ICAM4: variants seen among roughly 807,000 people sequenced by gnomAD.
The protein encoded by ICAM4 is intercellular adhesion molecule 4 (Landsteiner-Wiener blood group).
A neutral mutation model predicts 18.8 loss-of-function variants in ICAM4; 16 were observed. The ratio of observed to expected loss-of-function variants is 0.85; its 90% CI spans 0.58 to 1.29. The LOEUF is 1.29. ICAM4 is among the 50% of genes most tolerant of loss of function. ICAM4 has a pLI of 0.00. For missense variants in ICAM4, 338 were observed against 364.3 expected (o/e 0.93, Z 0.59); for synonymous variants, 163 against 163.2 (o/e 1.00, Z 0.01).
In ICAM4 at chr19:10,287,661, G is replaced by T; in HGVS notation, c.520G>T (p.Val174Phe). The change falls in exon 2 of 3, where the codon GTC (valine) becomes TTC (phenylalanine). Residue 174 changes from valine to phenylalanine, a missense_variant. Coordinates refer to ENST00000380770, the MANE Select transcript of ICAM4 (RefSeq NM_001544.5). The surrounding 1 kb of genome is among the most constrained non-coding windows in gnomAD (Gnocchi z 8.7). ...LVVTLRHGSRVIYSESLERFT... is the reference protein window; with the variant it reads ...LVVTLRHGSRFIYSESLERFT... Reference sequence around the variant, plus strand: ...GGTGACCCTGAGGCATGGAAGCCGGGTCATCTATTCCGAAAGCCTGGAGCG... The same window carrying T: ...GGTGACCCTGAGGCATGGAAGCCGGTTCATCTATTCCGAAAGCCTGGAGCG... 1 of 1,614,132 alleles carries T rather than the reference G, an allele frequency of 6.2e-7. No homozygotes were observed. Among genetic ancestry groups the T allele is most frequent in the Non-Finnish European group, 8.5e-7 (1 of 1,180,034 alleles).
chr19:10,287,609 G>C lies in ICAM4; in HGVS notation c.468G>C (p.Thr156=). 1 of 1,614,146 alleles carries C rather than the reference G, an allele frequency of 6.2e-7. No individual in the cohort carries two copies. The highest frequency in any genetic ancestry group is 8.5e-7 in the Non-Finnish European group (1 of 1,180,028). ...AATACACTTTGCGCTGCCACGTGAC[G>C]CAGGTGTTCCCGGTGGGCTACTTGG... ...GRKYTLRCHV[T]QVFPVGYLVV... The change falls in exon 2 of 3, where the codon ACG becomes ACC. Residue 156 remains threonine (T), a synonymous_variant. Coordinates refer to ENST00000380770, the MANE Select transcript of ICAM4 (RefSeq NM_001544.5). The surrounding 1 kb of genome is among the most constrained non-coding windows in gnomAD (Gnocchi z 8.7).
rs781102125 is a variant in ICAM4, at chr19:10,287,023, T to C, written c.11T>C (p.Leu4Pro). Residue 4 changes from leucine (L) to proline (P), a missense_variant, in exon 1 of 3, where the codon CTG becomes CCG. Leu to Pro is a moderately conservative substitution (Grantham distance 98). Coordinates refer to ENST00000380770, the MANE Select transcript of ICAM4 (RefSeq NM_001544.5). This position sits in a 1 kb window ranked among gnomAD's most constrained non-coding sequence, Gnocchi z 8.7. ...TCCGGGCTTTTTGCCATGGGGTCTCTGTTCCCTCTGTCGCTGCTGTTTTTT... is the reference window on the plus strand; with the variant it reads ...TCCGGGCTTTTTGCCATGGGGTCTCCGTTCCCTCTGTCGCTGCTGTTTTTT... Reference protein sequence around the residue: MGSLFPLSLLFFLA... With the variant: MGSPFPLSLLFFLA... 4.2e-5 allele frequency: 64 copies of C among 1,541,408 alleles called. No individual in the cohort carries two copies. Among genetic ancestry groups the C allele is most frequent in the Non-Finnish European group, 5.3e-5 (61 of 1,144,678 alleles).
chr19:10,287,762 C>G lies in ICAM4; in HGVS notation c.621C>G (p.Pro207=), dbSNP rs749028766. ...FAAGPRDFWQ[P]VICHARLNLD... Reference sequence around the variant, plus strand: ...CTGGACCCCGCGACTTCTGGCAGCCCGTGATCTGCCACGCGCGCCTCAATC... The same window carrying G: ...CTGGACCCCGCGACTTCTGGCAGCCGGTGATCTGCCACGCGCGCCTCAATC... Residue 207 remains proline (P), a synonymous_variant, in exon 2 of 3, where the codon CCC becomes CCG. Coordinates refer to ENST00000380770, the MANE Select transcript of ICAM4 (RefSeq NM_001544.5). The surrounding 1 kb of genome is among the most constrained non-coding windows in gnomAD (Gnocchi z 8.7). The G allele has an allele frequency of 1.9e-6, 3 of 1,613,802 alleles. No individual in the cohort carries two copies. The highest frequency in any genetic ancestry group is 2.2e-5 in the East Asian group (1 of 44,888).
At position 10,287,097 on chromosome 19, in the gene ICAM4, A is replaced by T; in HGVS notation, c.85A>T (p.Lys29Ter). Residue 29 changes from lysine to a stop codon, truncating the protein, a stop_gained, in exon 1 of 3, where the codon AAG (lysine) becomes TAG (stop). Coordinates refer to ENST00000380770, the MANE Select transcript of ICAM4 (RefSeq NM_001544.5). LOFTEE classifies it high-confidence loss of function. The surrounding 1 kb of genome is among the most constrained non-coding windows in gnomAD (Gnocchi z 8.7). The stretch of plus-strand genomic sequence containing the variant: ...TGGGAGCGCGCTGGGACGCCGGACT[A>T]AGCGGGCGCAAAGCCCCAAGGGTAG... ...GVGSALGRRTKRAQSPKGSPL... is the reference protein window; with the variant it reads ...GVGSALGRRT The T allele has an allele frequency of 6.3e-7, 1 of 1,598,876 alleles. No homozygotes were observed. Among genetic ancestry groups the T allele is most frequent in the Non-Finnish European group, 8.5e-7 (1 of 1,170,200 alleles).
In ICAM4 at chr19:10,287,169, A is replaced by C. The variant is rs762197542; in HGVS notation, c.157A>C (p.Ser53Arg). The C allele has an allele frequency of 6.2e-7, 1 of 1,611,434 alleles. No homozygotes were observed. Among genetic ancestry groups the C allele is most frequent in the Non-Finnish European group, 8.5e-7 (1 of 1,178,674 alleles). The part of the protein sequence containing the change: ...GTSVPFWVRM[S>R]PEFVAVQPGK... ...CTCAGTGCCCTTCTGGGTGCGCATG[A>C]GCCCGGAGTTCGTGGCTGTGCAGCC... Residue 53 changes from serine (S) to arginine (R), a missense_variant, in exon 1 of 3, where the codon AGC (serine) becomes CGC (arginine). Transcript: ENST00000380770. The surrounding 1 kb of genome is among the most constrained non-coding windows in gnomAD (Gnocchi z 8.7).
chr19:10,288,476 A>C lies in ICAM4; in HGVS notation c.*372A>C. On this transcript the variant is annotated 3_prime_UTR_variant, in exon 3 of 3. Transcript: ENST00000380770. ...AAATAAAATAAAAATAAAAATAAATATTGGCGGGGGAACCCTCTGGAATCA... is the reference window on the plus strand; with the variant it reads ...AAATAAAATAAAAATAAAAATAAATCTTGGCGGGGGAACCCTCTGGAATCA... 7 of 345,670 alleles carry C rather than the reference A, an allele frequency of 2.0e-5. No homozygotes were observed. The highest frequency in any genetic ancestry group is 4.2e-5 in the African/African-American group (2 of 47,692). The allele number at this position is 345,670 out of a possible 1,614,324, so 21.4% of individuals were successfully genotyped here.
chr19:10,288,173 C>G lies in ICAM4; in HGVS notation c.*69C>G, dbSNP rs762373199. The G allele has an allele frequency of 1.2e-6, 2 of 1,612,964 alleles. No individual in the cohort carries two copies. The highest frequency in any genetic ancestry group is 3.3e-5 in the Admixed American group (2 of 59,856). ...GAAACAATCTGGGGAAATGGCCATA[C>G]ATGGTGGCTGACGCCTGTAATCCCA... On this transcript the variant is annotated 3_prime_UTR_variant, in exon 3 of 3. Coordinates refer to ENST00000380770, the MANE Select transcript of ICAM4 (RefSeq NM_001544.5).
chr19:10,287,018 G>T lies in ICAM4; in HGVS notation c.6G>T (p.Gly2=), dbSNP rs1281410198. 6.5e-7 allele frequency: 1 copy of T among 1,528,128 alleles called. No individual in the cohort carries two copies. The allele number at this position is 1,528,128 out of a possible 1,614,324, so 94.7% of individuals were successfully genotyped here. The part of the protein sequence containing the change: M[G]SLFPLSLLFF... ...CTTAGTCCGGGCTTTTTGCCATGGG[G>T]TCTCTGTTCCCTCTGTCGCTGCTGT... Residue 2 remains glycine, a synonymous_variant, in exon 1 of 3, where the codon GGG becomes GGT. Transcript: ENST00000380770. The surrounding 1 kb of genome is among the most constrained non-coding windows in gnomAD (Gnocchi z 8.7).
In ICAM4 at chr19:10,287,831, G is replaced by A; in HGVS notation, c.690G>A (p.Leu230=). 1 of 1,610,986 alleles carries A rather than the reference G, an allele frequency of 6.2e-7. No individual in the cohort carries two copies. Among genetic ancestry groups the A allele is most frequent in the East Asian group, 2.2e-5 (1 of 44,886 alleles). ...GCAACAGCTCGGCACCCATTACACT[G>A]ATGCTCGGTGAGGCACCCCTGTAAC... ...VVRNSSAPIT[L]MLAWSPAPTA... Residue 230 remains leucine (L), a synonymous_variant, in exon 2 of 3, where the codon CTG becomes CTA. Coordinates refer to ENST00000380770, the MANE Select transcript of ICAM4 (RefSeq NM_001544.5). The surrounding 1 kb of genome is among the most constrained non-coding windows in gnomAD (Gnocchi z 8.7).
At position 10,287,066 on chromosome 19, in the gene ICAM4, G is replaced by A. The variant is rs762283483; in HGVS notation, c.54G>A (p.Pro18=). 1.4e-5 allele frequency: 22 copies of A among 1,581,988 alleles called. No homozygotes were observed. The highest frequency in any genetic ancestry group is 6.8e-5 in the East Asian group (3 of 44,222). Residue 18 remains proline (P), a synonymous_variant, in exon 1 of 3, where the codon CCG becomes CCA. Coordinates refer to ENST00000380770, the MANE Select transcript of ICAM4 (RefSeq NM_001544.5). The surrounding 1 kb of genome is among the most constrained non-coding windows in gnomAD (Gnocchi z 8.7). Reference sequence around the variant, plus strand: ...TGTTTTTTTTGGCGGCCGCCTACCCGGGAGTTGGGAGCGCGCTGGGACGCC... The same window carrying A: ...TGTTTTTTTTGGCGGCCGCCTACCCAGGAGTTGGGAGCGCGCTGGGACGCC... ...SLLFFLAAAY[P]GVGSALGRRT... is the part of the protein sequence containing the mutation.
rs1359584258 is a variant in ICAM4 at position 10,287,815 on chromosome 19, C to G, written c.674C>G (p.Ser225Trp). The G allele has an allele frequency of 1.2e-6, 2 of 1,612,338 alleles. No individual in the cohort carries two copies. Among genetic ancestry groups the G allele is most frequent in the Non-Finnish European group, 1.7e-6 (2 of 1,180,026 alleles). ...GACGGCCTGGTGGTCCGCAACAGCT[C>G]GGCACCCATTACACTGATGCTCGGT... ...NLDGLVVRNSSAPITLMLAWS... is the reference protein window; with the variant it reads ...NLDGLVVRNSWAPITLMLAWS... The change falls in exon 2 of 3, where the codon TCG becomes TGG. Residue 225 changes from serine to tryptophan, a missense_variant. Physicochemically the swap from Ser to Trp is radical, Grantham distance 177. Transcript: ENST00000380770. The surrounding 1 kb of genome is among the most constrained non-coding windows in gnomAD (Gnocchi z 8.7).
rs2040116655 is a variant in ICAM4 at position 10,287,089 on chromosome 19, G to A, written c.77G>A (p.Arg26His). The change falls in exon 1 of 3, where the codon CGC becomes CAC. Residue 26 changes from arginine to histidine, a missense_variant. Transcript: ENST00000380770. This position sits in a 1 kb window ranked among gnomAD's most constrained non-coding sequence, Gnocchi z 8.7. ...AYPGVGSALG[R>H]RTKRAQSPKG... ...CCGGGAGTTGGGAGCGCGCTGGGAC[G>A]CCGGACTAAGCGGGCGCAAAGCCCC... 1 of 1,595,346 alleles carries A rather than the reference G, an allele frequency of 6.3e-7. No homozygotes were observed. The highest frequency in any genetic ancestry group is 8.6e-7 in the Non-Finnish European group (1 of 1,168,122).
Position 10,287,539 on chromosome 19 carries a change from C to G in ICAM4, c.398C>G (p.Pro133Arg), listed in dbSNP as rs1228193405. 6.2e-7 allele frequency: 1 copy of G among 1,612,630 alleles called. No homozygotes were observed. Among genetic ancestry groups the G allele is most frequent in the Non-Finnish European group, 8.5e-7 (1 of 1,179,072 alleles). The change falls in exon 2 of 3, where the codon CCG (proline) becomes CGG (arginine). Residue 133 changes from proline (P) to arginine (R), a missense_variant. By Grantham distance (103) the Pro-to-Arg change is moderately radical. Transcript: ENST00000380770. This position sits in a 1 kb window ranked among gnomAD's most constrained non-coding sequence, Gnocchi z 8.7. Reference protein sequence around the residue: ...WATSRITAYKPPHSVILEPPV... With the variant: ...WATSRITAYKRPHSVILEPPV... ...CAGAGGCTCCCCCTTGCCTTAGAAC[C>G]GCCCCACAGCGTGATTTTGGAGCCT...
chr19:10,288,252 A>G lies in ICAM4; in HGVS notation c.*148A>G. The G allele has an allele frequency of 1.6e-6, 2 of 1,254,610 alleles. No homozygotes were observed. Among genetic ancestry groups the G allele is most frequent in the Non-Finnish European group, 1.1e-6 (1 of 875,298 alleles). 77.7% of individuals were successfully genotyped at this position (1,254,610 alleles called of 1,614,324 possible). On this transcript the variant is annotated 3_prime_UTR_variant, in exon 3 of 3. Coordinates refer to ENST00000380770, the MANE Select transcript of ICAM4 (RefSeq NM_001544.5). Reference sequence around the variant, plus strand: ...CGCTTGAGCCCAGGAGTTCGAGACCAGCCTGGACAACATAGTGAGACCCCG... The same window carrying G: ...CGCTTGAGCCCAGGAGTTCGAGACCGGCCTGGACAACATAGTGAGACCCCG...
chr19:10,287,144 C>T lies in ICAM4; in HGVS notation c.132C>T (p.Thr44=), dbSNP rs770547372. 3.1e-6 allele frequency: 5 copies of T among 1,610,364 alleles called. No individual in the cohort carries two copies. Among genetic ancestry groups the T allele is most frequent in the Non-Finnish European group, 4.2e-6 (5 of 1,178,096 alleles). ...PKGSPLAPSG[T]SVPFWVRMSP... ...GTAGCCCTCTCGCGCCCTCCGGGAC[C>T]TCAGTGCCCTTCTGGGTGCGCATGA... The change falls in exon 1 of 3, where the codon ACC becomes ACT. Residue 44 remains threonine, a synonymous_variant. Coordinates refer to ENST00000380770, the MANE Select transcript of ICAM4 (RefSeq NM_001544.5). This position sits in a 1 kb window ranked among gnomAD's most constrained non-coding sequence, Gnocchi z 8.7.
rs1407181470 is a variant in ICAM4, at chr19:10,288,402, C to A, written c.*298C>A. 10 of 548,896 alleles carry A rather than the reference C, an allele frequency of 1.8e-5. No homozygotes were observed. Among genetic ancestry groups the A allele is most frequent in the African/African-American group, 1.7e-4 (9 of 52,728 alleles). 34.0% of individuals were successfully genotyped at this position (548,896 alleles called of 1,614,324 possible). ...AGTCGAGGTTGCAGTGAGCCTTGAT[C>A]GTGCCACTGCACTCCAGCCTGGGGG... On this transcript the variant is annotated 3_prime_UTR_variant, in exon 3 of 3. Transcript: ENST00000380770.
rs2145020489 is a variant in ICAM4 at position 10,287,321 on chromosome 19, C to A, written c.309C>A (p.Asp103Glu). 6.2e-7 allele frequency: 1 copy of A among 1,613,576 alleles called. No individual in the cohort carries two copies. The highest frequency in any genetic ancestry group is 8.5e-7 in the Non-Finnish European group (1 of 1,179,954). The change falls in exon 1 of 3, where the codon GAC becomes GAA. Residue 103 changes from aspartate to glutamate, a missense_variant. Asp to Glu is a conservative substitution (Grantham distance 45). Transcript: ENST00000380770. This position sits in a 1 kb window ranked among gnomAD's most constrained non-coding sequence, Gnocchi z 8.7. ...GTTGGGTGTCTTACCAGCTGCTCGA[C>A]GTGAGGGCCTGGAGCTCCCTCGCGC... ...GPGWVSYQLL[D>E]VRAWSSLAHC...
rs1481162177 is a variant in ICAM4 at position 10,287,292 on chromosome 19, C to T, written c.280C>T (p.Pro94Ser). The change falls in exon 1 of 3, where the codon CCG (proline) becomes TCG (serine). Residue 94 changes from proline to serine, a missense_variant. Pro to Ser is a moderately conservative substitution (Grantham distance 74). Transcript: ENST00000380770. This position sits in a 1 kb window ranked among gnomAD's most constrained non-coding sequence, Gnocchi z 8.7. Reference sequence around the variant, plus strand: ...GCGGCAAGGCAAGACGCTCAGAGGGCCGGGTTGGGTGTCTTACCAGCTGCT... The same window carrying T: ...GCGGCAAGGCAAGACGCTCAGAGGGTCGGGTTGGGTGTCTTACCAGCTGCT... ...PLRQGKTLRG[P>S]GWVSYQLLDV... 4.3e-6 allele frequency: 7 copies of T among 1,613,626 alleles called. 1 individual carries two copies. The highest frequency in any genetic ancestry group is 3.3e-5 in the South Asian group (3 of 91,090).
rs774202084 is a variant in ICAM4 at position 10,288,060 on chromosome 19, G to A, written c.772G>A (p.Ala258Thr). Residue 258 changes from alanine (A) to threonine (T), a missense_variant, in exon 3 of 3, where the codon GCT becomes ACT. Transcript: ENST00000380770. ...TGTAGGGATCCTCCTCACTGTGGGC[G>A]CTGCGTACCTATGCAAGTGCCTAGC... ...ALVGILLTVG[A>T]AYLCKCLAMK... 6.8e-6 allele frequency: 11 copies of A among 1,614,136 alleles called. No homozygotes were observed. The highest frequency in any genetic ancestry group is 8.5e-6 in the Non-Finnish European group (10 of 1,179,990).
Sources: allele counts gnomAD v4.1 joint callset, GRCh38; gene constraint gnomAD v4.1.1; non-coding constraint Gnocchi (gnomAD v3.1); transcripts MANE v1.5; gene names NCBI Gene and HGNC (gene_info 2026-07-23, HGNC 2026-07-21).